Variants in LRRTM4 observed in about 807,000 individuals in gnomAD.
LRRTM4 encodes the protein leucine rich repeat transmembrane neuronal 4.
LRRTM4 carries 25 observed loss-of-function variants against 47.6 expected under a neutral mutation model. The observed-to-expected ratio is 0.53, with a 90% CI of 0.38 to 0.73. LRRTM4 has a LOEUF of 0.73. LRRTM4 is among the 30% of genes least tolerant of loss of function. LRRTM4 has a pLI of 0.00. For synonymous variants in LRRTM4, 311 were observed against 269.5 expected (o/e 1.15, Z -1.51); for missense variants, 638 against 713.4 (o/e 0.89, Z 1.20).
chr2:76,797,800 G>A (rs1675429656), intron 3 of LRRTM4, among the ~76,000 whole-genome samples: 2 of 150,922 alleles, frequency 1.3e-5, no homozygotes, highest in Admixed American at 1.3e-4. Context: ...AACAAAAAAA[G>A]GCAGGGGTTG....
intron 3 of LRRTM4, among the ~76,000 whole-genome samples, chr2:77,046,933 A>C (rs1679254837): frequency 1.3e-5 from 2 of 152,038 alleles, no homozygotes; most frequent in South Asian, 2.1e-4. Context: ...TTAGAAATGC[A>C]ACTGTTTTGA....
At chr2:77,122,186 T>C (rs1671536786) in intron 3 of LRRTM4, among the ~76,000 whole-genome samples, 1 of 151,726 alleles carries the variant, frequency 6.6e-6, no homozygotes, top group African/African-American at 2.4e-5. Flanking sequence ...AAACATTTCC[T>C]GAGTAAAATT....
intron 3 of LRRTM4, among the ~76,000 whole-genome samples, chr2:77,171,190 G>C (rs1320311150): frequency 1.3e-5 from 2 of 152,106 alleles, no homozygotes; most frequent in Admixed American, 1.3e-4. Flanking sequence ...AAAGCAACGA[G>C]ATTTAGCATG....
intron 3 of LRRTM4, among the ~76,000 whole-genome samples, chr2:77,049,544 T>C (rs1383283167): frequency 3.9e-5 from 6 of 151,972 alleles, no homozygotes; most frequent in African/African-American, 1.4e-4. Context: ...CTGATGATTA[T>C]TGATATTGAG....
chr2:77,316,125 G>C (rs1248649248), intron 3 of LRRTM4, among the ~76,000 whole-genome samples: 1 of 152,094 alleles, frequency 6.6e-6, no homozygotes, highest in Non-Finnish European at 1.5e-5. Context: ...GAGGCAAAAT[G>C]GTTCTAGATT....
intron 3 of LRRTM4, among the ~76,000 whole-genome samples, chr2:76,780,049 G>C (rs1674277790): frequency 6.6e-6 from 1 of 152,128 alleles, no homozygotes; most frequent in South Asian, 2.1e-4. Context: ...ATGCAATTCT[G>C]GGTTGAAAAT....
intron 3 of LRRTM4, among the ~76,000 whole-genome samples, chr2:77,182,706 A>G (rs1558622436): frequency 2.0e-5 from 3 of 152,198 alleles, no homozygotes; most frequent in Admixed American, 6.5e-5. Flanking sequence ...TTCCAACACT[A>G]TGTTGAATAG....
intron 3 of LRRTM4, among the ~76,000 whole-genome samples, chr2:76,766,550 C>G (rs1673463889): frequency 6.6e-6 from 1 of 152,168 alleles, no homozygotes; most frequent in Admixed American, 6.5e-5. Context: ...CCCAAGGAGG[C>G]TTGTTCTATG....
At chr2:76,923,036 T>C (rs968468361) in intron 3 of LRRTM4, among the ~76,000 whole-genome samples, 1 of 152,190 alleles carries the variant, frequency 6.6e-6, no homozygotes, top group Non-Finnish European at 1.5e-5. Context: ...CTAAGCATTA[T>C]GTCTTATTGG....
intron 3 of LRRTM4, among the ~76,000 whole-genome samples, chr2:76,854,269 A>G (rs1288222834): frequency 6.6e-6 from 1 of 152,174 alleles, no homozygotes; most frequent in Non-Finnish European, 1.5e-5. Flanking sequence ...ATGAGGGGTT[A>G]GTATTATTAT....
intron 3 of LRRTM4, among the ~76,000 whole-genome samples, chr2:77,161,699 T>C (rs1419304123): frequency 6.6e-6 from 1 of 152,176 alleles, no homozygotes; most frequent in Admixed American, 6.5e-5. Context: ...TGTTGTTCAG[T>C]GGTCAACTGT....
intron 3 of LRRTM4, among the ~76,000 whole-genome samples, chr2:77,164,299 A>G (rs1672817705): frequency 6.6e-6 from 1 of 152,224 alleles, no homozygotes; most frequent in Non-Finnish European, 1.5e-5. Flanking sequence ...AGGAGCACCC[A>G]GATTCATAAA....
intron 3 of LRRTM4, among the ~76,000 whole-genome samples, chr2:77,152,288 C>T (rs1255727633): frequency 3.3e-5 from 5 of 152,102 alleles, no homozygotes; most frequent in Admixed American, 2.0e-4. Context: ...TCAAGGTGCA[C>T]TACCCACTTG....
intron 3 of LRRTM4, among the ~76,000 whole-genome samples, chr2:76,832,438 G>C (rs1002666809): frequency 7.0e-6 from 1 of 142,874 alleles, no homozygotes; most frequent in Admixed American, 7.0e-5. Flanking sequence ...CACAGTTTCA[G>C]TGCATCCTCG....
intron 3 of LRRTM4, among the ~76,000 whole-genome samples, chr2:76,934,544 C>CA (rs1296535965): frequency 6.6e-6 from 1 of 151,910 alleles, no homozygotes; most frequent in Admixed American, 6.6e-5. Flanking sequence ...TTTCTCCAGG[C>CA]AAAAAAATTT....
intron 3 of LRRTM4, among the ~76,000 whole-genome samples, chr2:76,787,416 T>C (rs970386460): frequency 6.6e-6 from 1 of 152,124 alleles, no homozygotes; most frequent in Admixed American, 6.6e-5. Context: ...GTTCTGATAC[T>C]TTATACATTT....
intron 3 of LRRTM4, among the ~76,000 whole-genome samples, chr2:77,182,100 T>C (rs1371981091): frequency 2.6e-5 from 4 of 152,194 alleles, no homozygotes; most frequent in Admixed American, 6.6e-5. Context: ...TAAATCATTC[T>C]ACTATAAAGA....
intron 3 of LRRTM4, among the ~76,000 whole-genome samples, chr2:77,255,396 G>A (rs1207278339): frequency 1.3e-5 from 2 of 151,900 alleles, no homozygotes; most frequent in Admixed American, 6.6e-5. Flanking sequence ...ATAAGAACCA[G>A]TATCACTATC....
chr2:77,085,378 C>CTTT (rs11393823), intron 3 of LRRTM4, among the ~76,000 whole-genome samples: 19 of 139,760 alleles, frequency 1.4e-4, no homozygotes, highest in African/African-American at 4.6e-4. Flanking sequence ...CAATCCCTCA[C>CTTT]TTTTTTTTTT....
Sources: allele counts gnomAD v4.1 joint callset (sites outside exome capture counted in the v4.1 genomes callset), GRCh38; gene constraint gnomAD v4.1.1; transcripts MANE v1.5; gene names NCBI Gene and HGNC (gene_info 2026-07-23, HGNC 2026-07-21).